The following DNAH6 variants were observed in gnomAD, a reference collection of about 807,000 sequenced individuals.
DNAH6 encodes the protein axonemal beta dynein heavy chain 6.
A neutral mutation model predicts 491.4 loss-of-function variants in DNAH6; 340 were observed. The ratio of observed to expected loss-of-function variants is 0.69; its 90% CI spans 0.63 to 0.76. DNAH6 has a LOEUF of 0.76. Ranked by LOEUF, DNAH6 falls within the 30% of genes least tolerant of loss-of-function variation. The pLI, the probability that DNAH6 is intolerant of heterozygous loss-of-function variation, is 0.00. For missense variants in DNAH6, 4,443 were observed against 4,972.2 expected, an observed-to-expected ratio of 0.89 and a Z score of 3.20; for synonymous variants, 1,603 against 1,686.1, an observed-to-expected ratio of 0.95 and a Z score of 1.21.
At chr2:84,487,160 T>C in the DNAH6 span, among the ~76,000 whole-genome samples, 1 of 152,222 alleles carries the variant, frequency 6.6e-6, no homozygotes, top group Non-Finnish European at 1.5e-5. Context: ...ATTTTTGTCC[T>C]GGCATTGATT....
At chr2:84,581,533 C>T (rs906862552) in intron 14 of DNAH6, among the ~76,000 whole-genome samples, 5 of 152,084 alleles carry the variant, frequency 3.3e-5, no homozygotes, top group African/African-American at 1.2e-4. Context: ...TAATTCCTGC[C>T]TATGGGTTAC....
At chr2:84,554,382 G>A (rs1679819343) in intron 10 of DNAH6, among the ~76,000 whole-genome samples, 1 of 152,150 alleles carries the variant, frequency 6.6e-6, no homozygotes, top group Non-Finnish European at 1.5e-5. Flanking sequence ...GTACACAGGG[G>A]CAGGAATTTT....
rs913220250 is a variant in DNAH6, at chr2:84,807,939, C to T, written c.11612-476C>T. ...AGGCTTCTCCTTCCTTTTTCCAGTC[C>T]TCCTTCTACATTAGCACAGCCAGTC... is the stretch of plus-strand genomic sequence containing the variant. On this transcript the variant is annotated intron_variant, in intron 71 of 76. Transcript: ENST00000389394. Among the ~76,000 whole-genome samples, 4 of 152,086 alleles carry T rather than the reference C, an allele frequency of 2.6e-5. No homozygotes were observed. The East Asian group carries it at 7.7e-4, about 29-fold the overall frequency.
chr2:84,596,623 G>A (rs537296714), intron 18 of DNAH6, among the ~76,000 whole-genome samples: 70 of 151,172 alleles, frequency 4.6e-4, no homozygotes, highest in Non-Finnish European at 6.5e-4. Flanking sequence ...GAGCCACTGC[G>A]CCTGGACAAT....
chr2:84,731,986 A>C (rs1033304379), intron 61 of DNAH6, among the ~76,000 whole-genome samples: 4 of 152,196 alleles, frequency 2.6e-5, no homozygotes, highest in African/African-American at 7.2e-5. Flanking sequence ...GAAAGAAACT[A>C]TCAAAAAGAG....
intron 18 of DNAH6, among the ~76,000 whole-genome samples, chr2:84,597,480 G>T (rs576357099): frequency 7.2e-5 from 11 of 152,224 alleles, no homozygotes; most frequent in Non-Finnish European, 1.2e-4. Flanking sequence ...GGAATATGCA[G>T]AAATTAGAAC....
At chr2:84,656,021 T>G (rs1343617558) in intron 35 of DNAH6, among the ~76,000 whole-genome samples, 1 of 152,158 alleles carries the variant, frequency 6.6e-6, no homozygotes, top group Non-Finnish European at 1.5e-5. Context: ...AGTTCTACCT[T>G]TTCTAGAATG....
intron 29 of DNAH6, among the ~76,000 whole-genome samples, chr2:84,628,867 C>T (rs897196470): frequency 6.6e-6 from 1 of 152,124 alleles, no homozygotes; most frequent in Non-Finnish European, 1.5e-5. Flanking sequence ...TGAATATCTA[C>T]TTAGCCACCT....
chr2:84,737,931 T>C (rs1699651130), intron 62 of DNAH6, among the ~76,000 whole-genome samples: 2 of 152,114 alleles, frequency 1.3e-5, no homozygotes, highest in African/African-American at 4.8e-5. Context: ...GTTTGTTAAT[T>C]TGAGACCTTT....
At chr2:84,786,813 A>C (rs945361340) in intron 67 of DNAH6, among the ~76,000 whole-genome samples, 1 of 152,192 alleles carries the variant, frequency 6.6e-6, no homozygotes, top group African/African-American at 2.4e-5. Flanking sequence ...CAGATGGATG[A>C]TTGCAGGGTC....
At position 84,694,489 on chromosome 2, in the gene DNAH6, T is replaced by G. The variant is rs1281047296; in HGVS notation, c.7524+9T>G. 2 of 1,542,688 alleles carry G rather than the reference T, an allele frequency of 1.3e-6. No homozygotes were observed. The highest frequency in any genetic ancestry group is 3.9e-5 in the Admixed American group (2 of 50,990). Reference sequence around the variant, plus strand: ...TTTTCACTGACACCCAGGTGTGTGTTTAAATAGCCCATGGGTGAGAACAGG... The same window carrying G: ...TTTTCACTGACACCCAGGTGTGTGTGTAAATAGCCCATGGGTGAGAACAGG... On this transcript the variant is annotated intron_variant, in intron 46 of 76. Coordinates refer to ENST00000389394, the MANE Select transcript of DNAH6 (RefSeq NM_001370.2).
At chr2:84,503,605 A>AT in the DNAH6 span, among the ~76,000 whole-genome samples, 4 of 151,736 alleles carry the variant, frequency 2.6e-5, no homozygotes, top group Non-Finnish European at 5.9e-5. Context: ...CTCGGCTTTC[A>AT]TTTTTTTAGG....
intron 8 of DNAH6, 62 bp from the exon 9 acceptor site, chr2:84,549,827 C>A: frequency 8.3e-7 from 1 of 1,207,004 alleles, no homozygotes; most frequent in Non-Finnish European, 1.2e-6. Context: ...TTTAGAGACA[C>A]TGTCAAAAAT....
chr2:84,638,167 A>G (rs191783186), intron 31 of DNAH6, among the ~76,000 whole-genome samples: 15 of 152,266 alleles, frequency 9.9e-5, no homozygotes, highest in Middle Eastern at 3.4e-3. Flanking sequence ...AAGAATTGAT[A>G]TATTCACATT....
chr2:84,692,942 T>C (rs1695019545), intron 45 of DNAH6, among the ~76,000 whole-genome samples: 1 of 152,244 alleles, frequency 6.6e-6, no homozygotes, highest in Non-Finnish European at 1.5e-5. Context: ...ATCATAAACT[T>C]TTCAATTGTG....
intron 62 of DNAH6, among the ~76,000 whole-genome samples, chr2:84,741,783 T>C (rs1345768583): frequency 6.6e-6 from 1 of 152,212 alleles, no homozygotes; most frequent in African/African-American, 2.4e-5. Flanking sequence ...AGGCTCGGAT[T>C]CCTGTGGGAT....
the DNAH6 span, among the ~76,000 whole-genome samples, chr2:84,498,446 T>C: frequency 3.3e-5 from 5 of 152,114 alleles, no homozygotes; most frequent in Middle Eastern, 3.4e-3. Flanking sequence ...ATTTGCTTCA[T>C]CAAAAAATTC....
rs1367012684 is a variant in DNAH6, at chr2:84,710,272, TGCTTTTCCAAACAGGCAAACC to T, written c.9253-13_9260del. 1.9e-6 allele frequency: 3 copies of T among 1,551,304 alleles called. No individual in the cohort carries two copies. The highest frequency in any genetic ancestry group is 1.7e-6 in the Non-Finnish European group (2 of 1,146,810). ...GCTCTGAAGCAAATGTTCTGCTCTG[TGCTTTTCCAAACAGGCAAACC>T]GTTGGATAAGGAACAAGGAAAGCAA... On this transcript the variant is annotated splice_acceptor_variant and splice_polypyrimidine_tract_variant and coding_sequence_variant and intron_variant, in exon 56 of 77. Coordinates refer to ENST00000389394, the MANE Select transcript of DNAH6 (RefSeq NM_001370.2). LOFTEE classifies it high-confidence loss of function.
chr2:84,482,083 C>CT, the DNAH6 span, among the ~76,000 whole-genome samples: 10 of 152,124 alleles, frequency 6.6e-5, no homozygotes, highest in South Asian at 2.1e-4. Flanking sequence ...TAGCTAGCAA[C>CT]TTTTTTTGCC....
Sources: gnomAD v4.1 joint callset for allele counts (sites outside exome capture counted in the v4.1 genomes callset) on GRCh38, gnomAD v4.1.1 for gene constraint, MANE v1.5 for transcripts, NCBI Gene and HGNC (gene_info 2026-07-23, HGNC 2026-07-21) for gene names.